Variants in SPIDR observed in about 807,000 individuals in gnomAD.
The protein encoded by SPIDR is DNA repair-scaffolding protein.
In SPIDR, 93 loss-of-function variants were observed where a neutral mutation model predicts 104.6. The observed-to-expected ratio is 0.89, with a 90% CI of 0.75 to 1.06. SPIDR has a LOEUF of 1.06. Ranked by LOEUF, SPIDR falls within the 50% of genes least tolerant of loss-of-function variation. The pLI is 0.00. For synonymous variants in SPIDR, 431 were observed against 416.9 expected, an observed-to-expected ratio of 1.03 and a Z score of -0.41; for missense variants, 1,154 against 1,111.2, an observed-to-expected ratio of 1.04 and a Z score of -0.55.
intron 1 of SPIDR, among the ~76,000 whole-genome samples, chr8:47,266,323 G>T (rs1563434142): frequency 6.6e-6 from 1 of 151,982 alleles, no homozygotes; most frequent in Non-Finnish European, 1.5e-5. Flanking sequence ...TAGAGACAGG[G>T]TTTCACCGTG....
chr8:47,706,092 C>T (rs2081045735), intron 14 of SPIDR, among the ~76,000 whole-genome samples: 1 of 152,052 alleles, frequency 6.6e-6, no homozygotes, highest in Admixed American at 6.5e-5. Flanking sequence ...CCACAGTAAC[C>T]ACAGTAAAAA....
In SPIDR at chr8:47,729,011, C is replaced by T; in HGVS notation, c.2514C>T (p.Asp838=). 6.2e-7 allele frequency: 1 copy of T among 1,614,018 alleles called. No homozygotes were observed. The highest frequency in any genetic ancestry group is 8.5e-7 in the Non-Finnish European group (1 of 1,180,038). The part of the protein sequence containing the change: ...VLKRHLQVFL[D]CRSRPQCRVK... ...AGAGGCACCTGCAGGTCTTCCTGGA[C>T]TGCCGCTCAAGACCGCAGTGCAGAG... Residue 838 remains aspartate (D), a synonymous_variant, in exon 18 of 20, where the codon GAC becomes GAT. Transcript: ENST00000297423.
intron 10 of SPIDR, among the ~76,000 whole-genome samples, chr8:47,619,819 C>T (rs1175352035): frequency 6.6e-6 from 1 of 152,012 alleles, no homozygotes; most frequent in East Asian, 1.9e-4. Flanking sequence ...TTAAGAGCAA[C>T]TCTATTAATA....
intron 10 of SPIDR, among the ~76,000 whole-genome samples, chr8:47,600,532 T>C (rs916313745): frequency 2.0e-5 from 3 of 152,182 alleles, no homozygotes; most frequent in African/African-American, 7.2e-5. Flanking sequence ...ATGTTTCTTT[T>C]GGAATTACAG....
chr8:47,587,210 T>C (rs1196307535), intron 8 of SPIDR, among the ~76,000 whole-genome samples: 3 of 152,236 alleles, frequency 2.0e-5, no homozygotes, highest in Non-Finnish European at 4.4e-5. Context: ...TCATCATCAA[T>C]TTTGAGTTAA....
chr8:47,489,962 A>C (rs1586603711), intron 8 of SPIDR, among the ~76,000 whole-genome samples: 2 of 152,210 alleles, frequency 1.3e-5, no homozygotes, highest in Non-Finnish European at 2.9e-5. Context: ...CATGACTAAA[A>C]CACCCAAAGC....
intron 8 of SPIDR, among the ~76,000 whole-genome samples, chr8:47,562,826 CCG>C (rs2057247874): frequency 6.6e-6 from 1 of 152,134 alleles, no homozygotes; most frequent in South Asian, 2.1e-4. Context: ...CCCTTCATCC[CCG>C]CCAAACTTCA....
At chr8:47,456,834 T>C (rs1212751364) in intron 8 of SPIDR, among the ~76,000 whole-genome samples, 2 of 152,156 alleles carry the variant, frequency 1.3e-5, no homozygotes, top group Non-Finnish European at 2.9e-5. Flanking sequence ...AGCTCCCACT[T>C]ATGAGTGAGA....
chr8:47,611,992 C>T (rs2063673211), intron 10 of SPIDR, among the ~76,000 whole-genome samples: 1 of 152,194 alleles, frequency 6.6e-6, no homozygotes, highest in Non-Finnish European at 1.5e-5. Flanking sequence ...AGGCCTTCCA[C>T]ACGTACCTGG....
At chr8:47,526,461 G>A (rs1329021522) in intron 8 of SPIDR, among the ~76,000 whole-genome samples, 3 of 152,184 alleles carry the variant, frequency 2.0e-5, no homozygotes, top group Non-Finnish European at 2.9e-5. Flanking sequence ...CATTGGCTAA[G>A]AAGCCTTAAA....
chr8:47,343,973 T>TA (rs1253808139), intron 5 of SPIDR, among the ~76,000 whole-genome samples: 96 of 151,940 alleles, frequency 6.3e-4, no homozygotes, highest in African/African-American at 1.9e-3. Context: ...TCTTTTTTTT[T>TA]TTATTATTAT....
At chr8:47,499,166 G>A (rs1367072195) in intron 8 of SPIDR, among the ~76,000 whole-genome samples, 1 of 152,154 alleles carries the variant, frequency 6.6e-6, no homozygotes, top group African/African-American at 2.4e-5. Context: ...AAATTGCTTT[G>A]GTAATACTAA....
chr8:47,301,319 A>G (rs1289753975), intron 5 of SPIDR, among the ~76,000 whole-genome samples: 2 of 151,818 alleles, frequency 1.3e-5, no homozygotes, highest in East Asian at 3.9e-4. Flanking sequence ...TTCATCCTTT[A>G]TTTTGAGCCT....
chr8:47,500,758 G>C (rs1444148559), intron 8 of SPIDR, among the ~76,000 whole-genome samples: 1 of 152,176 alleles, frequency 6.6e-6, no homozygotes, highest in African/African-American at 2.4e-5. Context: ...TTTTCTTCTA[G>C]GGTTTTTATG....
intron 8 of SPIDR, among the ~76,000 whole-genome samples, chr8:47,488,842 G>A (rs1267221538): frequency 6.6e-6 from 1 of 152,102 alleles, no homozygotes; most frequent in Non-Finnish European, 1.5e-5. Flanking sequence ...GGTATTGATG[G>A]GACGTATCTC....
At chr8:47,555,535 C>T (rs2091216353) in intron 8 of SPIDR, among the ~76,000 whole-genome samples, 1 of 152,118 alleles carries the variant, frequency 6.6e-6, no homozygotes, top group African/African-American at 2.4e-5. Flanking sequence ...GCAATAGAAG[C>T]AGTAATTTTT....
chr8:47,431,235 A>G (rs2067312858), intron 7 of SPIDR, among the ~76,000 whole-genome samples: 1 of 152,212 alleles, frequency 6.6e-6, no homozygotes, highest in Admixed American at 6.5e-5. Flanking sequence ...CAAGGAGACT[A>G]AGCCTGTCAG....
chr8:47,534,047 TAGTG>T (rs1411453171), intron 8 of SPIDR, among the ~76,000 whole-genome samples: 3 of 152,214 alleles, frequency 2.0e-5, no homozygotes, highest in African/African-American at 7.2e-5. Flanking sequence ...GTTCTAGTGA[TAGTG>T]AGTGAGTTCT....
At chr8:47,331,791 C>G (rs1171014882) in intron 5 of SPIDR, among the ~76,000 whole-genome samples, 1 of 151,838 alleles carries the variant, frequency 6.6e-6, no homozygotes, top group Admixed American at 6.6e-5. Flanking sequence ...AGTAATACCA[C>G]TTTGTAATAG....
Sources: gnomAD v4.1 joint callset for allele counts (sites outside exome capture counted in the v4.1 genomes callset) on GRCh38, gnomAD v4.1.1 for gene constraint, MANE v1.5 for transcripts, NCBI Gene and HGNC (gene_info 2026-07-23, HGNC 2026-07-21) for gene names.